The following NMNAT2 variants were observed in gnomAD, a reference collection of about 807,000 sequenced individuals.
The protein encoded by NMNAT2 is nicotinamide/nicotinic acid mononucleotide adenylyltransferase 2.
In NMNAT2, 11 loss-of-function variants were observed where a neutral mutation model predicts 41.6. That is an observed-to-expected ratio of 0.26 (90% CI 0.17 to 0.44). NMNAT2 has a LOEUF of 0.44. Among genes scored for constraint, NMNAT2 ranks in the 20% least tolerant of loss-of-function variants. The probability of loss-of-function intolerance (pLI) is 1.00; values close to 1 mark genes in which losing one functional copy is unlikely to be tolerated. For synonymous variants in NMNAT2, 148 were observed against 151.2 expected, an observed-to-expected ratio of 0.98 and a Z score of 0.16; for missense variants, 288 against 407.7, an observed-to-expected ratio of 0.71 and a Z score of 2.53.
chr1:183,378,094 T>A (rs535598826), intron 1 of NMNAT2, among the ~76,000 whole-genome samples: 12 of 152,154 alleles, frequency 7.9e-5, no homozygotes, highest in East Asian at 3.9e-4. Context: ...AAGTCAATTT[T>A]AAAAAAATAA....
intron 1 of NMNAT2, among the ~76,000 whole-genome samples, chr1:183,347,088 T>A (rs150057630): frequency 0.021 from 3,174 of 152,262 alleles, 78 homozygotes; most frequent in South Asian, 0.1. Flanking sequence ...ACTTAGTCAC[T>A]TTCTTCTGTG....
chr1:183,260,907 GC>G (rs1660641483), intron 10 of NMNAT2, 94 bp downstream of exon 10: 2 of 923,612 alleles, frequency 2.2e-6, no homozygotes, highest in African/African-American at 1.6e-5. Context: ...GCAGATGTCT[GC>G]CTGAATCTTA....
At chr1:183,344,528 A>G (rs923809198) in intron 1 of NMNAT2, among the ~76,000 whole-genome samples, 3 of 152,224 alleles carry the variant, frequency 2.0e-5, no homozygotes, top group African/African-American at 4.8e-5. Flanking sequence ...TCATCTTTAT[A>G]TTCTCAACAC....
chr1:183,344,919 G>A (rs975914708), intron 1 of NMNAT2, among the ~76,000 whole-genome samples: 4 of 152,098 alleles, frequency 2.6e-5, no homozygotes, highest in South Asian at 2.1e-4. Flanking sequence ...CTCCCCATCC[G>A]GGGGCCAATT....
At chr1:183,336,682 A>G (rs1216316792) in intron 1 of NMNAT2, among the ~76,000 whole-genome samples, 1 of 152,246 alleles carries the variant, frequency 6.6e-6, no homozygotes, top group Non-Finnish European at 1.5e-5. Context: ...CAAACACCAG[A>G]TGATTCAGCA....
At chr1:183,380,958 C>T (rs1011244863) in intron 1 of NMNAT2, among the ~76,000 whole-genome samples, 14 of 151,926 alleles carry the variant, frequency 9.2e-5, no homozygotes, top group Non-Finnish European at 1.9e-4. Context: ...TTAGAAAGGT[C>T]GATCTAGAGG....
At chr1:183,380,817 C>T (rs111751241) in intron 1 of NMNAT2, among the ~76,000 whole-genome samples, 5,797 of 152,206 alleles carry the variant, frequency 0.038, 157 homozygotes, top group Non-Finnish European at 0.055. Context: ...AAAAGAAATA[C>T]GGAGAAATGA....
chr1:183,412,214 ACT>A (rs1327734704), intron 1 of NMNAT2, among the ~76,000 whole-genome samples: 1 of 151,954 alleles, frequency 6.6e-6, no homozygotes, highest in Non-Finnish European at 1.5e-5. Context: ...TGAAAGGATC[ACT>A]CTGTTTTTTT....
chr1:183,272,761 G>A (rs1195904837), intron 8 of NMNAT2, among the ~76,000 whole-genome samples: 1 of 152,310 alleles, frequency 6.6e-6, no homozygotes, highest in Non-Finnish European at 1.5e-5. Flanking sequence ...GCTGGAGGCC[G>A]GGCTGCTCCA....
At chr1:183,386,659 T>C (rs530383047) in intron 1 of NMNAT2, among the ~76,000 whole-genome samples, 2 of 152,338 alleles carry the variant, frequency 1.3e-5, no homozygotes, top group South Asian at 4.1e-4. Context: ...TCATACTATC[T>C]TTCTATAGTT....
rs1571550148 is a variant in NMNAT2, at chr1:183,251,536, A to G, written c.*1105T>C. On this transcript the variant is annotated 3_prime_UTR_variant, in exon 11 of 11. Transcript: ENST00000287713. ...TTTTGTTTTTTTATGACACGACTGC[A>G]CGATGTGGATCTGGTCCTGCCTATG... is the stretch of plus-strand genomic sequence containing the variant. The G allele has an allele frequency of 1.3e-5, 2 of 152,580 alleles. No homozygotes were observed. The highest frequency in any genetic ancestry group is 3.9e-4 in the East Asian group (2 of 5,184). The allele number at this position is 152,580 out of a possible 1,614,324, so 9.5% of individuals were successfully genotyped here.
chr1:183,391,634 TA>T (rs1257444736), intron 1 of NMNAT2, among the ~76,000 whole-genome samples: 1 of 152,174 alleles, frequency 6.6e-6, no homozygotes, highest in Non-Finnish European at 1.5e-5. Context: ...AAAGAATGTT[TA>T]AATAGGTGCT....
chr1:183,299,386 A>T (rs946539524), intron 1 of NMNAT2, among the ~76,000 whole-genome samples: 3 of 152,118 alleles, frequency 2.0e-5, no homozygotes, highest in South Asian at 2.1e-4. Flanking sequence ...AAAAAAAAAT[A>T]AAAAAATAAA....
intron 1 of NMNAT2, among the ~76,000 whole-genome samples, chr1:183,337,569 C>CA (rs71127343): frequency 0.064 from 6,388 of 100,548 alleles, 345 homozygotes; most frequent in African/African-American, 0.13. Flanking sequence ...CTCTCCACAG[C>CA]AAAAAAAAAA....
In NMNAT2 at chr1:183,353,641, C is replaced by T. The variant is rs368021646; in HGVS notation, c.86-59848G>A. Among the ~76,000 whole-genome samples, 67 of 152,278 alleles carry T rather than the reference C, an allele frequency of 4.4e-4. No homozygotes were observed. The East Asian group carries it at 0.012, about 28-fold the overall frequency. ...GCCAAATGCCCAGGACCCAAATCAT[C>T]ACAAATATCTCCAATCTCAGACATG... On this transcript the variant is annotated intron_variant, in intron 1 of 10. Coordinates refer to ENST00000287713, the MANE Select transcript of NMNAT2 (RefSeq NM_015039.4).
At chr1:183,278,791 A>C in intron 7 of NMNAT2, 162 bp from the exon 8 acceptor site, 1 of 610,812 alleles carries the variant, frequency 1.6e-6, no homozygotes, top group Non-Finnish European at 3.0e-6. Flanking sequence ...GCAGAGCAGA[A>C]ACCCCTGCTC....
chr1:183,351,937 A>G (rs1663053770), intron 1 of NMNAT2, among the ~76,000 whole-genome samples: 1 of 152,198 alleles, frequency 6.6e-6, no homozygotes, highest in African/African-American at 2.4e-5. Context: ...AAATGACCTG[A>G]GCATCAAGAC....
intron 1 of NMNAT2, among the ~76,000 whole-genome samples, chr1:183,296,630 A>G (rs1004359716): frequency 2.6e-5 from 4 of 151,918 alleles, no homozygotes; most frequent in African/African-American, 9.7e-5. Flanking sequence ...CTTGTGCCTC[A>G]GCCTCATAGG....
chr1:183,328,778 C>T (rs1162606997), intron 1 of NMNAT2, among the ~76,000 whole-genome samples: 1 of 152,222 alleles, frequency 6.6e-6, no homozygotes, highest in Admixed American at 6.5e-5. Context: ...TGTGGACTCA[C>T]AGTAATAGTT....
Sources: gnomAD v4.1 joint callset for allele counts (sites outside exome capture counted in the v4.1 genomes callset) on GRCh38, gnomAD v4.1.1 for gene constraint, MANE v1.5 for transcripts, NCBI Gene and HGNC (gene_info 2026-07-23, HGNC 2026-07-21) for gene names.